The following QPCT variants were observed in gnomAD, a reference collection of about 807,000 sequenced individuals.
QPCT encodes the protein glutaminyl-peptide cyclotransferase, also known as EC.
QPCT carries 44 observed loss-of-function variants against 43.4 expected under a neutral mutation model. The observed-to-expected ratio is 1.01, with a 90% CI of 0.80 to 1.30. The LOEUF (loss-of-function observed/expected upper bound fraction) is 1.30, where lower values mean the gene tolerates loss of function less well. Among genes scored for constraint, QPCT ranks in the 50% most tolerant of loss-of-function variants. The pLI is 0.00. For missense variants in QPCT, 526 were observed against 436.5 expected, an observed-to-expected ratio of 1.21 and a Z score of -1.83; for synonymous variants, 168 against 168.4, an observed-to-expected ratio of 1.00 and a Z score of 0.02.
chr2:37,364,089 A>G lies in QPCT; in HGVS notation c.547-3143A>G, dbSNP rs138168693. Among the ~76,000 whole-genome samples the G allele has an allele frequency of 5.2e-3, 788 of 152,324 alleles. 3 individuals are homozygous for G. Among genetic ancestry groups the G allele is most frequent in the Non-Finnish European group, 9.1e-3 (620 of 68,032 alleles). On this transcript the variant is annotated intron_variant, in intron 3 of 6. Transcript: ENST00000338415. ...AGAAAACAATGAAATTATGCCTTAA[A>G]TATTTTAAATAAAAATAATTTGCAA...
intron 5 of QPCT, among the ~76,000 whole-genome samples, chr2:37,370,910 G>T (rs7576265): frequency 0.036 from 5,482 of 152,300 alleles, 127 homozygotes; most frequent in Middle Eastern, 0.14. Context: ...CCAGGGGGCT[G>T]CTTTGAAGGC....
At chr2:37,344,973 G>A in intron 1 of QPCT, 122 bp downstream of exon 1, 2 of 1,385,254 alleles carry the variant, frequency 1.4e-6, no homozygotes, top group Non-Finnish European at 1.9e-6. Context: ...CCCCAGCCCA[G>A]GCACCGGCGC....
At chr2:37,353,852 C>T (rs758014595) in intron 2 of QPCT, among the ~76,000 whole-genome samples, 1 of 152,200 alleles carries the variant, frequency 6.6e-6, no homozygotes, top group Non-Finnish European at 1.5e-5. Flanking sequence ...CTGCAAGGCG[C>T]AGGTGCCCAG....
intron 1 of QPCT, among the ~76,000 whole-genome samples, chr2:37,345,185 G>A (rs1288936744): frequency 1.3e-5 from 2 of 152,150 alleles, no homozygotes; most frequent in Admixed American, 1.3e-4. Context: ...GCATCGCGGC[G>A]CCACCCCCCA....
chr2:37,369,834 A>G, intron 5 of QPCT, 50 bp downstream of exon 5: 1 of 1,439,122 alleles, frequency 6.9e-7, no homozygotes, highest in African/African-American at 1.4e-5. Flanking sequence ...TGCTACTGAC[A>G]GATACTACAT....
At chr2:37,367,954 G>C (rs1424542944) in intron 4 of QPCT, among the ~76,000 whole-genome samples, 1 of 152,154 alleles carries the variant, frequency 6.6e-6, no homozygotes, top group African/African-American at 2.4e-5. Flanking sequence ...TAAAAAATTG[G>C]ATTACAGGAA....
At chr2:37,347,620 G>C (rs1356287129) in intron 1 of QPCT, among the ~76,000 whole-genome samples, 3 of 151,952 alleles carry the variant, frequency 2.0e-5, no homozygotes, top group African/African-American at 7.3e-5. Flanking sequence ...TCCTTTCCTT[G>C]ATCTCCTTCA....
intron 5 of QPCT, among the ~76,000 whole-genome samples, chr2:37,371,362 T>C (rs1359865415): frequency 7.4e-6 from 1 of 134,932 alleles, no homozygotes; most frequent in East Asian, 2.4e-4. Context: ...TCTCTAGTTG[T>C]ATAAGAGAAA....
intron 1 of QPCT, among the ~76,000 whole-genome samples, chr2:37,350,514 G>T (rs566386625): frequency 3.9e-5 from 6 of 152,176 alleles, no homozygotes; most frequent in Non-Finnish European, 8.8e-5. Context: ...AATAAACAAA[G>T]ACAAATCTTC....
intron 1 of QPCT, among the ~76,000 whole-genome samples, chr2:37,346,354 CCTT>C (rs1315926184): frequency 2.6e-5 from 4 of 152,206 alleles, no homozygotes; most frequent in African/African-American, 7.2e-5. Context: ...AAAATCCTCT[CCTT>C]CTCTTCACTG....
In QPCT at chr2:37,366,807, G is replaced by A. The variant is rs766017995; in HGVS notation, c.547-425G>A. 6.6e-5 allele frequency among the ~76,000 whole-genome samples: 10 copies of A among 152,320 alleles called. No individual in the cohort carries two copies. The South Asian group carries it at 8.3e-4, about 13-fold the overall frequency. ...GCTCTTTAGAGAGCCCCCCGTACCC[G>A]TGTAGGTCAGCACTGGATGTGGGAC... On this transcript the variant is annotated intron_variant, in intron 3 of 6. Transcript: ENST00000338415.
intron 1 of QPCT, among the ~76,000 whole-genome samples, chr2:37,345,410 A>C (rs951197415): frequency 6.6e-6 from 1 of 152,222 alleles, no homozygotes; most frequent in African/African-American, 2.4e-5. Context: ...AGACCTGCTT[A>C]CTTCAAAAGC....
At chr2:37,364,016 T>C (rs187428602) in intron 3 of QPCT, among the ~76,000 whole-genome samples, 2 of 152,286 alleles carry the variant, frequency 1.3e-5, no homozygotes, top group African/African-American at 4.8e-5. Context: ...ATAAAAAGTA[T>C]TGGGAATGAG....
At chr2:37,352,751 A>G (rs1178790958) in intron 1 of QPCT, 38 bp from the exon 2 acceptor site, 1 of 1,603,870 alleles carries the variant, frequency 6.2e-7, no homozygotes, top group African/African-American at 1.3e-5. Context: ...ACATGTTATG[A>G]AAGGATAGCT....
chr2:37,347,641 AG>A (rs1028910532), intron 1 of QPCT, among the ~76,000 whole-genome samples: 1 of 152,098 alleles, frequency 6.6e-6, no homozygotes, highest in Non-Finnish European at 1.5e-5. Context: ...TGCAGCTTAA[AG>A]GTCATCATTA....
intron 3 of QPCT, chr2:37,360,111 C>G (rs1333338889): frequency 4.3e-6 from 2 of 461,174 alleles, no homozygotes; most frequent in African/African-American, 4.0e-5. Context: ...AAATTAAATG[C>G]AACATTTCTT....
intron 3 of QPCT, among the ~76,000 whole-genome samples, chr2:37,365,007 T>TTAG (rs1672933854): frequency 6.8e-6 from 1 of 146,944 alleles, no homozygotes; most frequent in Non-Finnish European, 1.5e-5. Context: ...TACAATATTA[T>TTAG]TATTATTATT....
At chr2:37,369,842 C>G in intron 5 of QPCT, 58 bp downstream of exon 5, 1 of 1,417,004 alleles carries the variant, frequency 7.1e-7, no homozygotes, top group Non-Finnish European at 1.0e-6. Context: ...ACAGATACTA[C>G]ATTTTTAACA....
chr2:37,347,245 T>TATATATATATATATATAA (rs1342216739), intron 1 of QPCT, among the ~76,000 whole-genome samples: 4 of 108,118 alleles, frequency 3.7e-5, no homozygotes, highest in East Asian at 3.1e-4. Flanking sequence ...TATATATATA[T>TATATATATATATATATAA]AACATATATA....
Sources: gnomAD v4.1 joint callset for allele counts (sites outside exome capture counted in the v4.1 genomes callset) on GRCh38, gnomAD v4.1.1 for gene constraint, MANE v1.5 for transcripts, NCBI Gene and HGNC (gene_info 2026-07-23, HGNC 2026-07-21) for gene names.